SNX8: variants seen among roughly 807,000 people sequenced by gnomAD.
SNX8 encodes the protein sorting nexin-8.
In SNX8, 25 loss-of-function variants were observed where a neutral mutation model predicts 51.6. That is an observed-to-expected ratio of 0.48 (90% confidence interval 0.35 to 0.68). SNX8 has a LOEUF of 0.68. Among genes scored for constraint, SNX8 ranks in the 30% least tolerant of loss-of-function variants. SNX8 has a pLI of 0.00. For synonymous variants in SNX8, 324 were observed against 277.0 expected, an observed-to-expected ratio of 1.17 and a Z score of -1.68; for missense variants, 695 against 624.0, an observed-to-expected ratio of 1.11 and a Z score of -1.21.
At chr7:2,320,478 TG>T (rs1443911200) in intron 1 of SNX8, among the ~76,000 whole-genome samples, 1 of 152,130 alleles carries the variant, frequency 6.6e-6, no homozygotes, top group Non-Finnish European at 1.5e-5. Flanking sequence ...CTCAGCAGTT[TG>T]GGAGGCCAAG....
At chr7:2,328,010 T>G (rs950926514) in intron 1 of SNX8, among the ~76,000 whole-genome samples, 49 of 152,066 alleles carry the variant, frequency 3.2e-4, no homozygotes, top group African/African-American at 1.1e-3. Context: ...GGACCACAGG[T>G]GCGCACCACC....
intron 1 of SNX8, among the ~76,000 whole-genome samples, chr7:2,336,272 A>G (rs1778827349): frequency 6.6e-6 from 1 of 151,918 alleles, no homozygotes; most frequent in Admixed American, 6.6e-5. Flanking sequence ...ATGGTGGCGC[A>G]GGCCTGTAAT....
intron 1 of SNX8, among the ~76,000 whole-genome samples, chr7:2,292,725 T>C (rs1796182310): frequency 1.3e-5 from 2 of 152,066 alleles, no homozygotes. Flanking sequence ...CAAAGACTTC[T>C]TAGATATGAC....
chr7:2,299,770 G>T (rs7781284), intron 1 of SNX8, among the ~76,000 whole-genome samples: 58,168 of 151,812 alleles, frequency 0.38, 11,644 homozygotes, highest in East Asian at 0.66. Context: ...AAAGTGAAAA[G>T]ATTCCAAAAT....
intron 1 of SNX8, among the ~76,000 whole-genome samples, chr7:2,319,826 A>T (rs1172339486): frequency 6.7e-6 from 1 of 150,196 alleles, no homozygotes; most frequent in South Asian, 2.1e-4. Context: ...AAAAAAAAAA[A>T]AAAATTAGCT....
intron 5 of SNX8, among the ~76,000 whole-genome samples, chr7:2,268,355 G>C: frequency 7.1e-6 from 1 of 141,702 alleles, no homozygotes; most frequent in African/African-American, 2.6e-5. Context: ...CAGCTGCCCT[G>C]TCTGAGAAGT....
intron 7 of SNX8, among the ~76,000 whole-genome samples, chr7:2,261,427 C>T (rs940168230): frequency 1.2e-4 from 19 of 152,210 alleles, no homozygotes; most frequent in Admixed American, 2.0e-4. Flanking sequence ...AGCGAGACTC[C>T]GTCTCAAAAA....
chr7:2,275,091 G>A (rs2115129565), intron 3 of SNX8, 21 bp downstream of exon 3: 1 of 1,535,008 alleles, frequency 6.5e-7, no homozygotes, highest in East Asian at 2.2e-5. Flanking sequence ...CGCCCCCGGT[G>A]GGCAGCACGC....
chr7:2,287,087 G>A (rs149321037), intron 1 of SNX8, among the ~76,000 whole-genome samples: 13 of 151,596 alleles, frequency 8.6e-5, no homozygotes, highest in African/African-American at 1.2e-4. Flanking sequence ...GCAGTGAGCC[G>A]AGATTGCACC....
At chr7:2,267,889 T>C (rs1166915800) in intron 5 of SNX8, among the ~76,000 whole-genome samples, 2 of 97,288 alleles carry the variant, frequency 2.1e-5, no homozygotes, top group African/African-American at 8.9e-5. Context: ...CCAGCCGCCA[T>C]CACATCTAGG....
At position 2,259,953 on chromosome 7, in the gene SNX8, A is replaced by G. The variant is rs137973485; in HGVS notation, c.916-2150T>C. ...AGAATTGTCTTGAGCCACACATAAA[A>G]TACGCTAACACTATGATAGCTGATG... On this transcript the variant is annotated intron_variant, in intron 7 of 10. Transcript: ENST00000222990. 3.4e-3 allele frequency among the ~76,000 whole-genome samples: 511 copies of G among 152,270 alleles called. 3 individuals carry two copies. The highest frequency in any genetic ancestry group is 0.012 in the African/African-American group (482 of 41,540).
intron 1 of SNX8, chr7:2,353,996 T>C (rs112828627): frequency 0.014 from 2,181 of 152,418 alleles, 45 homozygotes; most frequent in African/African-American, 0.045. Flanking sequence ...CCAATGCCCG[T>C]CCCGTGAGCA....
At chr7:2,257,048 GCA>G (rs1374967289) in intron 9 of SNX8, 25 bp from the exon 10 acceptor site, 1 of 1,580,800 alleles carries the variant, frequency 6.3e-7, no homozygotes, top group South Asian at 1.1e-5. Context: ...GCCGCCTTTC[GCA>G]CCCGGCCCAG....
intron 5 of SNX8, among the ~76,000 whole-genome samples, chr7:2,267,554 T>TC (rs1471653961): frequency 7.5e-6 from 1 of 133,486 alleles, no homozygotes; most frequent in Non-Finnish European, 1.6e-5. Flanking sequence ...CCGCGAGTGA[T>TC]CCGCCAACCT....
intron 1 of SNX8, among the ~76,000 whole-genome samples, chr7:2,333,759 A>G (rs1778779020): frequency 6.6e-6 from 1 of 152,230 alleles, no homozygotes; most frequent in Non-Finnish European, 1.5e-5. Context: ...GAATGAATCA[A>G]TGTCGATTTG....
intron 1 of SNX8, among the ~76,000 whole-genome samples, chr7:2,338,590 C>T (rs1293086363): frequency 1.3e-5 from 2 of 151,854 alleles, no homozygotes; most frequent in Admixed American, 6.6e-5. Flanking sequence ...CCCGAGATTG[C>T]ACCTCTGCAC....
intron 2 of SNX8, among the ~76,000 whole-genome samples, chr7:2,275,657 G>A (rs1018779922): frequency 2.7e-5 from 4 of 150,660 alleles, no homozygotes; most frequent in African/African-American, 7.3e-5. Context: ...ATCCAAGATC[G>A]TGCCACTGCA....
intron 1 of SNX8, among the ~76,000 whole-genome samples, chr7:2,345,692 A>AAT (rs71026504): frequency 6.7e-6 from 1 of 149,094 alleles, no homozygotes; most frequent in Non-Finnish European, 1.5e-5. Flanking sequence ...AAAAAAAAAA[A>AAT]GAAGAAGAAA....
chr7:2,322,845 T>C (rs1778553130), intron 1 of SNX8, among the ~76,000 whole-genome samples: 1 of 140,654 alleles, frequency 7.1e-6, no homozygotes, highest in Admixed American at 7.4e-5. Context: ...GGTGAAACCC[T>C]GTCTCTACTA....
Sources: allele counts gnomAD v4.1 joint callset (sites outside exome capture counted in the v4.1 genomes callset), GRCh38; gene constraint gnomAD v4.1.1; transcripts MANE v1.5; gene names NCBI Gene and HGNC (gene_info 2026-07-23, HGNC 2026-07-21).